The following FAT3 variants were observed in gnomAD, a reference collection of about 807,000 sequenced individuals.
FAT3 encodes FAT atypical cadherin 3.
A neutral mutation model predicts 310.2 loss-of-function variants in FAT3; 95 were observed. The ratio of observed to expected loss-of-function variants is 0.31; its 90% CI spans 0.26 to 0.36. The LOEUF (loss-of-function observed/expected upper bound fraction) is 0.36. Ranked by LOEUF, FAT3 falls within the 10% of genes least tolerant of loss-of-function variation. The pLI is 1.00. For synonymous variants in FAT3, 2,314 were observed against 2,192.9 expected, an observed-to-expected ratio of 1.06 and a Z score of -1.54; for missense variants, 5,408 against 5,715.6, an observed-to-expected ratio of 0.95 and a Z score of 1.74.
chr11:92,565,901 C>G (rs1955420858), intron 3 of FAT3, among the ~76,000 whole-genome samples: 1 of 152,066 alleles, frequency 6.6e-6, no homozygotes. Flanking sequence ...ATAATAAGAG[C>G]TATCTATGAC....
At chr11:92,707,340 G>A (rs1312895160) in intron 4 of FAT3, among the ~76,000 whole-genome samples, 1 of 152,196 alleles carries the variant, frequency 6.6e-6, no homozygotes, top group Non-Finnish European at 1.5e-5. Context: ...AGCTTGTTGA[G>A]CTGTGCACAC....
At chr11:92,888,845 C>T (rs4146883) in intron 25 of FAT3, among the ~76,000 whole-genome samples, 57,704 of 151,914 alleles carry the variant, frequency 0.38, 11,238 homozygotes, top group Admixed American at 0.43. Flanking sequence ...GAGTTGTTAA[C>T]GATAAATTAG....
At chr11:92,721,273 G>GA (rs1306711744) in intron 4 of FAT3, among the ~76,000 whole-genome samples, 1 of 152,138 alleles carries the variant, frequency 6.6e-6, no homozygotes, top group Non-Finnish European at 1.5e-5. Context: ...ATTAGTAATA[G>GA]AAAAAATGAA....
At chr11:92,522,651 G>A (rs542399932) in intron 2 of FAT3, among the ~76,000 whole-genome samples, 1 of 152,136 alleles carries the variant, frequency 6.6e-6, no homozygotes, top group African/African-American at 2.4e-5. Context: ...CAGAGGATTT[G>A]TCTCACAAAC....
At chr11:92,561,942 T>C (rs541695906) in intron 3 of FAT3, among the ~76,000 whole-genome samples, 1 of 152,264 alleles carries the variant, frequency 6.6e-6, no homozygotes, top group Admixed American at 6.5e-5. Flanking sequence ...TTGGATAATT[T>C]TAAACAATAA....
rs577791320 is a variant in FAT3, at chr11:92,309,631, G to A, written c.-17-42465G>A. The stretch of plus-strand genomic sequence containing the variant: ...CAAAGGTTTTTAAGAAACTGAGATT[G>A]CCACTTCGTGAGGCCCTTCTTGTTA... On this transcript the variant is annotated intron_variant, in intron 1 of 27. Coordinates refer to ENST00000525166, the MANE Select transcript of FAT3 (RefSeq NM_001367949.2). 3.9e-5 allele frequency among the ~76,000 whole-genome samples: 6 copies of A among 152,144 alleles called. No homozygotes were observed. The South Asian group carries it at 1.0e-3, about 26-fold the overall frequency.
Position 92,878,872 on chromosome 11 carries a change from G to A in FAT3, c.12128-1859G>A, listed in dbSNP as rs978370893. On this transcript the variant is annotated intron_variant, in intron 22 of 27. Coordinates refer to ENST00000525166, the MANE Select transcript of FAT3 (RefSeq NM_001367949.2). ...TAAAAATAGAATAGAGAAAACAGAG[G>A]AAAATAAATTACCAAAGAAATAATA... is the stretch of plus-strand genomic sequence containing the variant. 2.6e-5 allele frequency among the ~76,000 whole-genome samples: 4 copies of A among 151,358 alleles called. No homozygotes were observed. In the South Asian group the frequency reaches 8.3e-4, roughly 32 times the overall value.
intron 2 of FAT3, among the ~76,000 whole-genome samples, chr11:92,386,795 C>T (rs1949633624): frequency 6.6e-6 from 1 of 152,208 alleles, no homozygotes; most frequent in Non-Finnish European, 1.5e-5. Flanking sequence ...GCTCCCATTA[C>T]AGCTTGAGTG....
chr11:92,350,794 A>G (rs867673243), intron 1 of FAT3, among the ~76,000 whole-genome samples: 1 of 152,186 alleles, frequency 6.6e-6, no homozygotes, highest in African/African-American at 2.4e-5. Flanking sequence ...CACAGTGCCT[A>G]CATCATTACA....
intron 1 of FAT3, among the ~76,000 whole-genome samples, chr11:92,324,944 C>A (rs10501778): frequency 0.049 from 7,402 of 152,228 alleles, 580 homozygotes; most frequent in African/African-American, 0.16. Context: ...AAGACTGACA[C>A]CAGGAATTTG....
At chr11:92,769,837 G>A (rs557569658) in intron 6 of FAT3, among the ~76,000 whole-genome samples, 1 of 152,290 alleles carries the variant, frequency 6.6e-6, no homozygotes. Flanking sequence ...GCTCCAGGCT[G>A]CTGCTGTGTC....
chr11:92,391,419 C>G lies in FAT3; in HGVS notation c.3292+36015C>G, dbSNP rs185387187. 1.1e-4 allele frequency among the ~76,000 whole-genome samples: 17 copies of G among 152,276 alleles called. No individual in the cohort carries two copies. The East Asian group carries it at 2.7e-3, about 24-fold the overall frequency. ...TCCTAATTTCTACCTCTCTGGGAAG[C>G]AAAATGAGTGTCAATCACCCCTAAG... On this transcript the variant is annotated intron_variant, in intron 2 of 27. Coordinates refer to ENST00000525166, the MANE Select transcript of FAT3 (RefSeq NM_001367949.2).
At chr11:92,591,957 T>G (rs1305722589) in intron 3 of FAT3, among the ~76,000 whole-genome samples, 1 of 152,194 alleles carries the variant, frequency 6.6e-6, no homozygotes, top group Non-Finnish European at 1.5e-5. Context: ...GATACATGAC[T>G]TTGTGCATTT....
At chr11:92,688,940 T>C (rs1297874973) in intron 3 of FAT3, among the ~76,000 whole-genome samples, 2 of 152,212 alleles carry the variant, frequency 1.3e-5, no homozygotes, top group Non-Finnish European at 2.9e-5. Context: ...TTAGAACTTT[T>C]GCTGCCCAAA....
chr11:92,621,086 G>A (rs1434843013), intron 3 of FAT3, among the ~76,000 whole-genome samples: 2 of 152,142 alleles, frequency 1.3e-5, no homozygotes, highest in African/African-American at 4.8e-5. Flanking sequence ...AAATTTTGGG[G>A]TTGGGAGGGA....
chr11:92,718,796 G>A (rs554584953), intron 4 of FAT3, among the ~76,000 whole-genome samples: 1 of 152,130 alleles, frequency 6.6e-6, no homozygotes, highest in Non-Finnish European at 1.5e-5. Context: ...TAGTTTTGCT[G>A]TATCCAGTCC....
chr11:92,718,904 A>C (rs920800518), intron 4 of FAT3, among the ~76,000 whole-genome samples: 1 of 152,192 alleles, frequency 6.6e-6, no homozygotes, highest in Non-Finnish European at 1.5e-5. Context: ...CCTGCTCTGC[A>C]TCTCCTAACA....
chr11:92,360,286 C>A (rs937049440), intron 2 of FAT3, among the ~76,000 whole-genome samples: 6 of 152,214 alleles, frequency 3.9e-5, no homozygotes, highest in Non-Finnish European at 8.8e-5. Context: ...TCTTGACTTT[C>A]TTAGAGCTCT....
chr11:92,871,614 G>A (rs369149504), intron 22 of FAT3, among the ~76,000 whole-genome samples: 1 of 152,078 alleles, frequency 6.6e-6, no homozygotes, highest in Admixed American at 6.6e-5. Flanking sequence ...CCATTTGATT[G>A]CTATTTACTT....
Sources: gnomAD v4.1 joint callset for allele counts (sites outside exome capture counted in the v4.1 genomes callset) on GRCh38, gnomAD v4.1.1 for gene constraint, MANE v1.5 for transcripts, NCBI Gene and HGNC (gene_info 2026-07-23, HGNC 2026-07-21) for gene names.